Variants in METTL8 observed in about 807,000 individuals in gnomAD.
The protein encoded by METTL8 is tRNA N(3)-cytidine methyltransferase METTL8, mitochondrial.
In METTL8, 32 loss-of-function variants were observed where a neutral mutation model predicts 48.7. That is an observed-to-expected ratio of 0.66 (90% confidence interval 0.50 to 0.88). METTL8 has a LOEUF of 0.88. Among genes scored for constraint, METTL8 ranks in the 40% least tolerant of loss-of-function variants. The pLI, the probability that METTL8 is intolerant of heterozygous loss-of-function variation, is 0.00. For missense variants in METTL8, 464 were observed against 474.4 expected (o/e 0.98, Z 0.20); for synonymous variants, 136 against 157.1 (o/e 0.87, Z 1.01).
At chr2:171,400,817 A>C (rs1051137894) in intron 1 of METTL8, among the ~76,000 whole-genome samples, 1 of 152,186 alleles carries the variant, frequency 6.6e-6, no homozygotes, top group Non-Finnish European at 1.5e-5. Flanking sequence ...GGAACACCAA[A>C]GAAATAGAGC....
At chr2:171,434,686 C>A (rs1452354914), upstream of METTL8, 4 of 1,500,116 alleles carry the variant, frequency 2.7e-6, no homozygotes, top group African/African-American at 2.9e-5. Flanking sequence ...GGGCATCCTG[C>A]GGGCGCTGGT....
intron 2 of METTL8, among the ~76,000 whole-genome samples, chr2:171,377,619 C>A (rs1336218236): frequency 1.3e-5 from 2 of 151,948 alleles, no homozygotes; most frequent in African/African-American, 4.8e-5. Flanking sequence ...AAACAGCCAA[C>A]AAACATATGA....
rs542149184 is a variant in METTL8 at position 171,432,990 on chromosome 2, G to T, written c.-13+893C>A. ...AAATGGGAGCTATACATACATTTAA[G>T]GAAGATTAATAAAAACAAGTAAGAT... On this transcript the variant is annotated intron_variant, in intron 1 of 9. Coordinates refer to ENST00000375258, the MANE Select transcript of METTL8 (RefSeq NM_001321154.2). 4.6e-5 allele frequency: 7 copies of T among 152,268 alleles called. No individual in the cohort carries two copies. The East Asian group carries it at 1.2e-3, about 25-fold the overall frequency. 9.4% of individuals were successfully genotyped at this position (152,268 alleles called of 1,614,324 possible). A position where few individuals can be genotyped will look rare whatever the true frequency, so the allele number is the denominator to read the frequency against.
At chr2:171,365,107 C>A (rs186413728) in intron 2 of METTL8, among the ~76,000 whole-genome samples, 1 of 152,092 alleles carries the variant, frequency 6.6e-6, no homozygotes, top group African/African-American at 2.4e-5. Flanking sequence ...GAGCCATGGG[C>A]GGCATCTGAG....
At position 171,358,769 on chromosome 2, in the gene METTL8, A is replaced by G. The variant is rs150274008; in HGVS notation, c.235+1653T>C. ...AGCATTTTTATTTGTCTATTTTGTC[A>G]TTTGTCAAAAGATTTCAAAAGCACA... On this transcript the variant is annotated intron_variant, in intron 3 of 9. Transcript: ENST00000375258. Among the ~76,000 whole-genome samples, 964 of 152,290 alleles carry G rather than the reference A, an allele frequency of 6.3e-3. 6 individuals carry two copies. Among genetic ancestry groups the G allele is most frequent in the African/African-American group, 0.021 (862 of 41,558 alleles).
intron 2 of METTL8, among the ~76,000 whole-genome samples, chr2:171,369,886 TG>T (rs1686129814): frequency 6.6e-6 from 1 of 151,928 alleles, no homozygotes; most frequent in Admixed American, 6.6e-5. Context: ...ACCAACATGG[TG>T]AAACCCCGTC....
intron 1 of METTL8, among the ~76,000 whole-genome samples, chr2:171,425,007 TAGTG>T (rs1692258945): frequency 6.6e-6 from 1 of 152,122 alleles, no homozygotes; most frequent in Non-Finnish European, 1.5e-5. Flanking sequence ...GTTCTCATGA[TAGTG>T]AGTGTGTTCT....
At chr2:171,420,125 C>A (rs955553408) in intron 1 of METTL8, among the ~76,000 whole-genome samples, 1 of 151,952 alleles carries the variant, frequency 6.6e-6, no homozygotes, top group South Asian at 2.1e-4. Flanking sequence ...CCAAGGTGGG[C>A]GGATCACTTG....
At chr2:171,340,979 G>A (rs1314901647) in intron 3 of METTL8, among the ~76,000 whole-genome samples, 1 of 152,172 alleles carries the variant, frequency 6.6e-6, no homozygotes, top group Non-Finnish European at 1.5e-5. Context: ...TAGGTCAATA[G>A]TCTCAGAGCT....
chr2:171,407,460 T>C lies in METTL8; in HGVS notation c.-12-15263A>G, dbSNP rs928270858. Reference sequence around the variant, plus strand: ...CTAGTAACAAAAACAGTAAACACTGTAACAATGAGAAGGAACTACTGCTTT... The same window carrying C: ...CTAGTAACAAAAACAGTAAACACTGCAACAATGAGAAGGAACTACTGCTTT... On this transcript the variant is annotated intron_variant, in intron 1 of 9. Transcript: ENST00000375258. 5.9e-5 allele frequency among the ~76,000 whole-genome samples: 9 copies of C among 151,946 alleles called. No homozygotes were observed. The East Asian group carries it at 1.7e-3, about 29-fold the overall frequency.
chr2:171,383,535 CAT>C (rs1435621386), intron 2 of METTL8, among the ~76,000 whole-genome samples: 1 of 152,112 alleles, frequency 6.6e-6, no homozygotes, highest in Non-Finnish European at 1.5e-5. Context: ...GTTATGTACA[CAT>C]GTGCTGGTCC....
At chr2:171,406,486 T>C (rs539658522) in intron 1 of METTL8, among the ~76,000 whole-genome samples, 16 of 152,364 alleles carry the variant, frequency 1.1e-4, no homozygotes, top group Admixed American at 3.3e-4. Flanking sequence ...ATTTGGTTCC[T>C]GGCTTGTAGA....
rs200347847 is a variant in METTL8 at position 171,363,792 on chromosome 2, T to TTATATATATATATATATATATATATA, written c.144-3280_144-3279insTATATATATATATATATATATATATA. On this transcript the variant is annotated intron_variant, in intron 2 of 9. Transcript: ENST00000375258. ...GGTTAAAAAAGTACATCCCCAAATT[T>TTATATATATATATATATATATATATA]TATATATATATATATATATATATCT... Among the ~76,000 whole-genome samples the TTATATATATATATATATATATATATA allele has an allele frequency of 2.5e-3, 244 of 97,312 alleles. 3 individuals carry two copies. The highest frequency in any genetic ancestry group is 3.1e-3 in the African/African-American group (76 of 24,342). 63.8% of individuals were successfully genotyped at this position (97,312 alleles called of 152,430 possible). A position where few individuals can be genotyped will look rare whatever the true frequency, so the allele number is the denominator to read the frequency against.
intron 3 of METTL8, among the ~76,000 whole-genome samples, chr2:171,340,994 G>A (rs1011785578): frequency 1.3e-5 from 2 of 152,162 alleles, no homozygotes; most frequent in Non-Finnish European, 2.9e-5. Context: ...AGAGCTTCAG[G>A]TAATTCTTCG....
At chr2:171,429,156 C>G (rs1692720319) in intron 1 of METTL8, among the ~76,000 whole-genome samples, 1 of 152,008 alleles carries the variant, frequency 6.6e-6, no homozygotes, top group Non-Finnish European at 1.5e-5. Flanking sequence ...AAAGGACACT[C>G]TGGATCATCT....
intron 2 of METTL8, among the ~76,000 whole-genome samples, chr2:171,376,873 A>G (rs1226922789): frequency 6.6e-6 from 1 of 152,230 alleles, no homozygotes; most frequent in African/African-American, 2.4e-5. Flanking sequence ...ACCAAAAAAG[A>G]GCCCATAGAG....
intron 7 of METTL8, among the ~76,000 whole-genome samples, chr2:171,328,807 A>G (rs1685221285): frequency 6.6e-6 from 1 of 151,888 alleles, no homozygotes. Context: ...CTCCTGTCTC[A>G]GCCTCCCAAG....
intron 3 of METTL8, among the ~76,000 whole-genome samples, chr2:171,352,923 C>G (rs1380137699): frequency 6.6e-6 from 1 of 152,282 alleles, no homozygotes; most frequent in African/African-American, 2.4e-5. Flanking sequence ...AAACCAGCTC[C>G]TGGATTCATT....
intron 3 of METTL8, among the ~76,000 whole-genome samples, chr2:171,356,952 A>ATGTTTTTGTTTTTT: frequency 5.1e-5 from 4 of 78,468 alleles, no homozygotes; most frequent in African/African-American, 1.3e-4. Context: ...CAAAGACAAT[A>ATGTTTTTGTTTTTT]TTTTTTTTTT....
Sources: gnomAD v4.1 joint callset for allele counts (sites outside exome capture counted in the v4.1 genomes callset) on GRCh38, gnomAD v4.1.1 for gene constraint, MANE v1.5 for transcripts, NCBI Gene and HGNC (gene_info 2026-07-23, HGNC 2026-07-21) for gene names.